The following LRRC75A variants were observed in gnomAD, a reference collection of about 807,000 sequenced individuals.
LRRC75A encodes the protein leucine rich repeat containing 75A.
LRRC75A carries 12 observed loss-of-function variants against 26.0 expected under a neutral mutation model. The ratio of observed to expected loss-of-function variants is 0.46; its 90% CI spans 0.30 to 0.75. The LOEUF (loss-of-function observed/expected upper bound fraction) is 0.75, where lower values mean the gene tolerates loss of function less well. Ranked by LOEUF, LRRC75A falls within the 30% of genes least tolerant of loss-of-function variation. The pLI, the probability that LRRC75A is intolerant of heterozygous loss-of-function variation, is 0.08. For synonymous variants in LRRC75A, 223 were observed against 219.3 expected (o/e 1.02, Z -0.15); for missense variants, 410 against 486.6 (o/e 0.84, Z 1.48).
intron 1 of LRRC75A, among the ~76,000 whole-genome samples, chr17:16,472,643 T>C (rs1388378871): frequency 6.6e-6 from 1 of 152,158 alleles, no homozygotes; most frequent in African/African-American, 2.4e-5. Flanking sequence ...TTTCACACAT[T>C]TGTCATGTTA....
intron 2 of LRRC75A, among the ~76,000 whole-genome samples, chr17:16,453,636 G>C (rs1330530031): frequency 6.6e-6 from 1 of 152,076 alleles, no homozygotes; most frequent in Non-Finnish European, 1.5e-5. Flanking sequence ...GAGCAGCTGC[G>C]ATGCATTGGG....
At chr17:16,447,339 T>TC (rs71152807) in intron 3 of LRRC75A, among the ~76,000 whole-genome samples, 91,068 of 151,842 alleles carry the variant, frequency 0.6, 28,032 homozygotes, top group Non-Finnish European at 0.67. Flanking sequence ...TAGGGAGTGC[T>TC]TGTTGCTCAG....
At chr17:16,447,085 G>T in intron 3 of LRRC75A, 2 of 225,674 alleles carry the variant, frequency 8.9e-6, no homozygotes, top group South Asian at 3.9e-5. Flanking sequence ...CTTTGTGAGG[G>T]CACACCACTC....
chr17:16,486,976 C>A (rs2093848451), intron 1 of LRRC75A, among the ~76,000 whole-genome samples: 1 of 152,198 alleles, frequency 6.6e-6, no homozygotes. Flanking sequence ...ATGCCACGAG[C>A]CTACAGGTTT....
At chr17:16,483,332 C>T (rs1475211483) in intron 1 of LRRC75A, among the ~76,000 whole-genome samples, 1 of 152,222 alleles carries the variant, frequency 6.6e-6, no homozygotes, top group Non-Finnish European at 1.5e-5. Context: ...TTTCACCCTC[C>T]GTCAGCTAGG....
chr17:16,472,317 C>T (rs2093808967), intron 1 of LRRC75A, among the ~76,000 whole-genome samples: 1 of 151,748 alleles, frequency 6.6e-6, no homozygotes, highest in Admixed American at 6.6e-5. Context: ...CGAGAGGAAC[C>T]ACAAAAGAAC....
In LRRC75A at chr17:16,491,774, C is replaced by A; in HGVS notation, c.217G>T (p.Ala73Ser). ...CGCAGGTGCTGCAGCAGCGTCCCCG[C>A]CTCCTCCCGCCGGCCCTGGCGCACC... ...RMVRQGRREE[A>S]GTLLQHLRQD... Residue 73 changes from alanine (A) to serine (S), a missense_variant, in exon 1 of 4, where the codon GCG (alanine) becomes TCG (serine). By Grantham distance (99) the Ala-to-Ser change is moderately conservative (BLOSUM62 1). Coordinates refer to ENST00000470794, the MANE Select transcript of LRRC75A (RefSeq NM_001113567.3). This position sits in a 1 kb window ranked among gnomAD's most constrained non-coding sequence, Gnocchi z 5.9. 7.0e-7 allele frequency: 1 copy of A among 1,430,710 alleles called. No homozygotes were observed. Among genetic ancestry groups the A allele is most frequent in the South Asian group, 1.4e-5 (1 of 73,804 alleles). 88.6% of individuals were successfully genotyped at this position (1,430,710 alleles called of 1,614,324 possible). A position where few individuals can be genotyped will look rare whatever the true frequency, so the allele number is the denominator to read the frequency against.
chr17:16,461,421 G>A (rs1259484659), intron 2 of LRRC75A, among the ~76,000 whole-genome samples: 7 of 152,264 alleles, frequency 4.6e-5, no homozygotes, highest in Admixed American at 2.6e-4. Flanking sequence ...ACAGAGAAGC[G>A]CTCAAGTGTG....
At chr17:16,480,674 G>C (rs978009114) in intron 1 of LRRC75A, among the ~76,000 whole-genome samples, 7 of 151,010 alleles carry the variant, frequency 4.6e-5, no homozygotes, top group Non-Finnish European at 7.4e-5. Context: ...CACTGACAGG[G>C]AATACACTCA....
In LRRC75A at chr17:16,443,454, C is replaced by T; in HGVS notation, c.*134G>A. ...CCCTTCCCCAGATGATATGGTTTGC[C>T]TTTCTGTAGGTGGGTGGCCCAGGCC... On this transcript the variant is annotated 3_prime_UTR_variant, in exon 4 of 4. Coordinates refer to ENST00000470794, the MANE Select transcript of LRRC75A (RefSeq NM_001113567.3). 1.3e-6 allele frequency: 1 copy of T among 757,864 alleles called. No homozygotes were observed. Among genetic ancestry groups the T allele is most frequent in the Admixed American group, 3.0e-5 (1 of 33,358 alleles). 46.9% of individuals were successfully genotyped at this position (757,864 alleles called of 1,614,324 possible).
chr17:16,459,714 A>G (rs989397887), intron 2 of LRRC75A, among the ~76,000 whole-genome samples: 5 of 152,214 alleles, frequency 3.3e-5, no homozygotes, highest in Non-Finnish European at 7.3e-5. Context: ...GTGGGCTGAC[A>G]TGAACTTCTC....
intron 1 of LRRC75A, among the ~76,000 whole-genome samples, chr17:16,485,681 T>TGTGTGTGTGTGTGTGTGTGC (rs748088509): frequency 5.9e-5 from 8 of 135,432 alleles, no homozygotes; most frequent in African/African-American, 1.5e-4. Flanking sequence ...CGTGTGTGTG[T>TGTGTGTGTGTGTGTGTGTGC]GTGTGTGTGT....
Position 16,443,071 on chromosome 17 carries a change from C to T in LRRC75A, c.*517G>A, listed in dbSNP as rs1183408024. The T allele has an allele frequency of 6.5e-6, 1 of 154,260 alleles. No homozygotes were observed. Among genetic ancestry groups the T allele is most frequent in the Non-Finnish European group, 1.4e-5 (1 of 69,464 alleles). 9.6% of individuals were successfully genotyped at this position (154,260 alleles called of 1,614,324 possible). Reference sequence around the variant, plus strand: ...TAGGCCACGTTCAGTCCACCCCTAGCATAGATGGAACTGGGGTCTCGGGCA... The same window carrying T: ...TAGGCCACGTTCAGTCCACCCCTAGTATAGATGGAACTGGGGTCTCGGGCA... On this transcript the variant is annotated 3_prime_UTR_variant, in exon 4 of 4. Transcript: ENST00000470794.
chr17:16,445,254 C>T (rs2093574088), intron 3 of LRRC75A, among the ~76,000 whole-genome samples: 1 of 148,642 alleles, frequency 6.7e-6, no homozygotes, highest in Non-Finnish European at 1.5e-5. Context: ...CAATCTCCAC[C>T]TCCTGGGTTC....
At chr17:16,448,214 TC>T in intron 2 of LRRC75A, 1 of 448,278 alleles carries the variant, frequency 2.2e-6, no homozygotes, top group South Asian at 2.0e-5. Flanking sequence ...TTCCAGGAGA[TC>T]GGACAAAAGT....
intron 1 of LRRC75A, among the ~76,000 whole-genome samples, chr17:16,486,548 C>T (rs1347586685): frequency 6.6e-6 from 1 of 152,212 alleles, no homozygotes; most frequent in African/African-American, 2.4e-5. Context: ...GAAGGTTTCT[C>T]TTTGTGAAGG....
chr17:16,448,653 T>G (rs2093606336), intron 2 of LRRC75A, among the ~76,000 whole-genome samples: 1 of 152,160 alleles, frequency 6.6e-6, no homozygotes, highest in South Asian at 2.1e-4. Flanking sequence ...AGACAAGGCC[T>G]TTAAAGAGGT....
intron 3 of LRRC75A, chr17:16,447,024 G>T (rs978803094): frequency 1.9e-5 from 5 of 266,548 alleles, no homozygotes; most frequent in South Asian, 2.9e-5. Flanking sequence ...TCCCCAGCCT[G>T]CAGGGACCTG....
At chr17:16,473,812 C>T (rs1412821750) in intron 1 of LRRC75A, among the ~76,000 whole-genome samples, 1 of 152,190 alleles carries the variant, frequency 6.6e-6, no homozygotes, top group Non-Finnish European at 1.5e-5. Context: ...TGGCCCTCCT[C>T]GACGGTGACG....
Sources: gnomAD v4.1 joint callset for allele counts (sites outside exome capture counted in the v4.1 genomes callset) on GRCh38, gnomAD v4.1.1 for gene constraint, Gnocchi (gnomAD v3.1) non-coding constraint, MANE v1.5 for transcripts, NCBI Gene and HGNC (gene_info 2026-07-23, HGNC 2026-07-21) for gene names.